Variants in C5 observed in about 807,000 individuals in gnomAD.
C5 encodes C3 and PZP-like alpha-2-macroglobulin domain-containing protein 4.
A neutral mutation model predicts 218.8 loss-of-function variants in C5; 140 were observed. The observed-to-expected ratio is 0.64, with a 90% confidence interval of 0.56 to 0.74. The LOEUF (loss-of-function observed/expected upper bound fraction) is 0.74. Ranked by LOEUF, C5 falls within the 30% of genes least tolerant of loss-of-function variation. The probability of loss-of-function intolerance (pLI) is 0.00; values close to 1 mark genes in which losing one functional copy is unlikely to be tolerated. For missense variants in C5, 1,700 were observed against 1,969.6 expected (o/e 0.86, Z 2.59); for synonymous variants, 614 against 682.3 (o/e 0.90, Z 1.56).
At position 120,953,982 on chromosome 9, in the gene C5, C is replaced by T. The variant is rs76339932; in HGVS notation, c.4763-114G>A. On this transcript the variant is annotated intron_variant, in intron 39 of 40. Coordinates refer to ENST00000223642, the MANE Select transcript of C5 (RefSeq NM_001735.3). Reference sequence around the variant, plus strand: ...TATTGAGAGGTTCATGGCTAGTGGACAGCCGTGATATCCATGTGGTTAAGG... The same window carrying T: ...TATTGAGAGGTTCATGGCTAGTGGATAGCCGTGATATCCATGTGGTTAAGG... 7.7e-4 allele frequency: 801 copies of T among 1,036,496 alleles called. 9 individuals are homozygous for T. The East Asian group carries it at 0.018, about 23-fold the overall frequency. 64.2% of individuals were successfully genotyped at this position (1,036,496 alleles called of 1,614,324 possible). A position where few individuals can be genotyped will look rare whatever the true frequency, so the allele number is the denominator to read the frequency against.
intron 31 of C5, 148 bp downstream of exon 31, chr9:120,971,782 G>A (rs1030276008): frequency 4.2e-5 from 28 of 663,604 alleles, no homozygotes; most frequent in Admixed American, 1.6e-4. Flanking sequence ...TACAAAGATT[G>A]CTAGAAAGAT....
intron 34 of C5, 134 bp downstream of exon 34, chr9:120,963,502 T>G: frequency 1.4e-6 from 1 of 708,510 alleles, no homozygotes; most frequent in Non-Finnish European, 2.4e-6. Flanking sequence ...AAAATCCACC[T>G]CCAAAAAAAA....
chr9:120,979,730 T>TA (rs2046977955), intron 28 of C5: 5 of 283,022 alleles, frequency 1.8e-5, no homozygotes, highest in Admixed American at 4.9e-5. Flanking sequence ...CTGCAAAATA[T>TA]AAAAAAAAGT....
chr9:120,952,637 A>G lies in C5; in HGVS notation c.*102T>C. 1 of 1,176,994 alleles carries G rather than the reference A, an allele frequency of 8.5e-7. No individual in the cohort carries two copies. Among genetic ancestry groups the G allele is most frequent in the Non-Finnish European group, 1.2e-6 (1 of 807,900 alleles). 72.9% of individuals were successfully genotyped at this position (1,176,994 alleles called of 1,614,324 possible). A position where few individuals can be genotyped will look rare whatever the true frequency, so the allele number is the denominator to read the frequency against. Reference sequence around the variant, plus strand: ...TCTAAGTAAAGTGAGCTTTACAAATAAGACCAGCTATGAATGTTTAAAAAA... The same window carrying G: ...TCTAAGTAAAGTGAGCTTTACAAATGAGACCAGCTATGAATGTTTAAAAAA... On this transcript the variant is annotated 3_prime_UTR_variant, in exon 41 of 41. Transcript: ENST00000223642.
intron 17 of C5, among the ~76,000 whole-genome samples, chr9:121,013,614 T>C (rs1473299143): frequency 6.6e-6 from 1 of 152,194 alleles, no homozygotes; most frequent in African/African-American, 2.4e-5. Context: ...TCAGAGAGGA[T>C]AAATAATCAT....
Position 120,976,793 on chromosome 9 carries a change from G to T in C5, c.3771C>A (p.Thr1257=), listed in dbSNP as rs1342301469. ...MVETTAYALL[T]SLNLKDINYV... is the part of the protein sequence containing the mutation. ...AATTTATATCTTTCAAGTTCAGACT[G>T]GTGAGTAAAGCATAGGCAGTTGTTT... Residue 1257 remains threonine, a synonymous_variant, in exon 29 of 41, where the codon ACC becomes ACA. Transcript: ENST00000223642. 6.2e-6 allele frequency: 10 copies of T among 1,613,878 alleles called. No homozygotes were observed. In the East Asian group the frequency reaches 2.2e-4, roughly 36 times the overall value.
Position 120,991,191 on chromosome 9 carries a change from C to A in C5, c.2941G>T (p.Gly981Ter). Residue 981 changes from glycine to a stop codon, truncating the protein, a stop_gained and splice_region_variant, in exon 23 of 41, where the codon GGA (glycine) becomes TGA (stop). Transcript: ENST00000223642. LOFTEE classifies it high-confidence loss of function. ...ATAAAAATGGCATTTGTTAATTTAC[C>A]TTTTACACTCAAAATCCTTTTGATT... The part of the protein sequence containing the change: ...TEIKRILSVK[G>*]LLVGEILSAV... 1 of 1,560,148 alleles carries A rather than the reference C, an allele frequency of 6.4e-7. No individual in the cohort carries two copies.
intron 2 of C5, among the ~76,000 whole-genome samples, chr9:121,045,566 C>G (rs950322799): frequency 2.6e-5 from 4 of 151,992 alleles, no homozygotes; most frequent in Non-Finnish European, 4.4e-5. Context: ...CTGCAGAGCC[C>G]ATTTTACGTC....
At chr9:121,050,116 A>T in intron 1 of C5, 66 bp downstream of exon 1, 1 of 1,262,600 alleles carries the variant, frequency 7.9e-7, no homozygotes, top group Non-Finnish European at 1.2e-6. Context: ...AGAATCTGTT[A>T]AATTTAACTC....
chr9:120,977,192 A>G lies in C5; in HGVS notation c.3659-287T>C, dbSNP rs547704608. Reference sequence around the variant, plus strand: ...CCACAGGTGGGTAATTTCACCCCTGACCTCATGTGATGGGTCACAATCAAA... The same window carrying G: ...CCACAGGTGGGTAATTTCACCCCTGGCCTCATGTGATGGGTCACAATCAAA... On this transcript the variant is annotated intron_variant, in intron 28 of 40. Coordinates refer to ENST00000223642, the MANE Select transcript of C5 (RefSeq NM_001735.3). Among the ~76,000 whole-genome samples the G allele has an allele frequency of 5.9e-5, 9 of 152,288 alleles. No homozygotes were observed. In the East Asian group the frequency reaches 1.7e-3, roughly 29 times the overall value.
At chr9:121,008,570 G>A (rs2047235632) in intron 17 of C5, 72 bp from the exon 18 acceptor site, 3 of 1,079,032 alleles carry the variant, frequency 2.8e-6, no homozygotes, top group Middle Eastern at 2.0e-4. Flanking sequence ...TTTAAAATAT[G>A]GCCATTAATC....
At chr9:120,977,867 T>G (rs1216029285) in intron 28 of C5, among the ~76,000 whole-genome samples, 1 of 152,232 alleles carries the variant, frequency 6.6e-6, no homozygotes, top group African/African-American at 2.4e-5. Flanking sequence ...CAAATTCCTT[T>G]AGTTCTGTGT....
At chr9:120,953,913 A>G (rs894871413) in intron 39 of C5, 45 bp from the exon 40 acceptor site, 2 of 1,604,466 alleles carry the variant, frequency 1.2e-6, no homozygotes, top group Non-Finnish European at 8.5e-7. Context: ...TTCATGTTTT[A>G]ATGTCACAAT....
intron 5 of C5, among the ~76,000 whole-genome samples, chr9:121,034,333 C>G (rs963819983): frequency 6.6e-6 from 1 of 152,002 alleles, no homozygotes; most frequent in Non-Finnish European, 1.5e-5. Flanking sequence ...TACATTGAAC[C>G]CTGTTTAAAC....
chr9:120,999,454 G>A (rs765137213), intron 20 of C5, among the ~76,000 whole-genome samples: 2 of 152,200 alleles, frequency 1.3e-5, no homozygotes, highest in Non-Finnish European at 2.9e-5. Context: ...GTAGGGAATA[G>A]TTACCACAGC....
At chr9:120,961,869 G>C (rs568128878) in intron 36 of C5, among the ~76,000 whole-genome samples, 8 of 152,326 alleles carry the variant, frequency 5.3e-5, no homozygotes, top group Non-Finnish European at 1.2e-4. Flanking sequence ...TCTTTTGAAA[G>C]AGTTGGAATT....
At chr9:120,960,146 T>G in intron 38 of C5, 102 bp downstream of exon 38, 1 of 759,478 alleles carries the variant, frequency 1.3e-6, no homozygotes, top group Non-Finnish European at 2.3e-6. Flanking sequence ...CATGGAATGT[T>G]GTATTCATAT....
the C5 span, among the ~76,000 whole-genome samples, chr9:121,059,501 TG>T: frequency 1.3e-5 from 2 of 152,230 alleles, no homozygotes; most frequent in Non-Finnish European, 2.9e-5. This position sits in a 1 kb window ranked among gnomAD's most constrained non-coding sequence, Gnocchi z 4.1. Context: ...TGTTGCTTTT[TG>T]TTCAGCATAA....
chr9:120,952,663 A>G lies in C5; in HGVS notation c.*76T>C. On this transcript the variant is annotated 3_prime_UTR_variant, in exon 41 of 41. Coordinates refer to ENST00000223642, the MANE Select transcript of C5 (RefSeq NM_001735.3). ...AGACCAGCTATGAATGTTTAAAAAA[A>G]GAAGAAAACAAAAAAACGAACTTCA... The G allele has an allele frequency of 2.0e-6, 3 of 1,482,738 alleles. No individual in the cohort carries two copies. Among genetic ancestry groups the G allele is most frequent in the Non-Finnish European group, 2.8e-6 (3 of 1,070,146 alleles). The allele number at this position is 1,482,738 out of a possible 1,614,324, so 91.8% of individuals were successfully genotyped here.
Sources: gnomAD v4.1 joint callset for allele counts (sites outside exome capture counted in the v4.1 genomes callset) on GRCh38, gnomAD v4.1.1 for gene constraint, Gnocchi (gnomAD v3.1) non-coding constraint, MANE v1.5 for transcripts, NCBI Gene and HGNC (gene_info 2026-07-23, HGNC 2026-07-21) for gene names.